ADCY9: variants seen among roughly 807,000 people sequenced by gnomAD.
ADCY9 encodes the protein adenylate cyclase type 9.
A neutral mutation model predicts 101.5 loss-of-function variants in ADCY9; 50 were observed. The observed-to-expected ratio is 0.49, with a 90% confidence interval of 0.39 to 0.62. ADCY9 has a LOEUF of 0.62. Ranked by LOEUF, ADCY9 falls within the 20% of genes least tolerant of loss-of-function variation. The pLI, the probability that ADCY9 is intolerant of heterozygous loss-of-function variation, is 0.00. For synonymous variants in ADCY9, 905 were observed against 769.3 expected, an observed-to-expected ratio of 1.18 and a Z score of -2.92; for missense variants, 1,662 against 1,800.4, an observed-to-expected ratio of 0.92 and a Z score of 1.39.
chr16:4,053,802 C>T (rs968221425), intron 2 of ADCY9, among the ~76,000 whole-genome samples: 7 of 152,106 alleles, frequency 4.6e-5, no homozygotes, highest in East Asian at 1.9e-4. Flanking sequence ...TTATTTGCCT[C>T]GGAGAGCTCC....
At position 3,992,040 on chromosome 16, in the gene ADCY9, C is replaced by T; in HGVS notation, c.2207+106G>A. On this transcript the variant is annotated intron_variant, in intron 5 of 10. Transcript: ENST00000294016. The surrounding 1 kb of genome is among the most constrained non-coding windows in gnomAD (Gnocchi z 4.2). ...GAGCCAAGATCGCGCCACTGCACTG[C>T]AGCCTGGATGACAGAGCGAGACTCA... 1 of 1,156,534 alleles carries T rather than the reference C, an allele frequency of 8.6e-7. No individual in the cohort carries two copies. The allele number at this position is 1,156,534 out of a possible 1,614,324, so 71.6% of individuals were successfully genotyped here.
intron 3 of ADCY9, among the ~76,000 whole-genome samples, chr16:4,005,252 A>G (rs2056359725): frequency 1.3e-5 from 2 of 152,182 alleles, no homozygotes; most frequent in Non-Finnish European, 2.9e-5. Flanking sequence ...GAGACAGGAC[A>G]AGGTCTCACT....
intron 10 of ADCY9, among the ~76,000 whole-genome samples, chr16:3,970,391 G>T (rs190615135): frequency 7.3e-5 from 11 of 151,696 alleles, no homozygotes; most frequent in Non-Finnish European, 1.5e-5. Context: ...GCAATGGCGC[G>T]ACCTTGGCTC....
chr16:4,035,127 T>C (rs1466398654), intron 2 of ADCY9, among the ~76,000 whole-genome samples: 1 of 152,204 alleles, frequency 6.6e-6, no homozygotes, highest in African/African-American at 2.4e-5. Context: ...AAGTCCCTGA[T>C]GGTGGCACTA....
At chr16:4,047,055 T>G (rs780560740) in intron 2 of ADCY9, among the ~76,000 whole-genome samples, 1 of 152,024 alleles carries the variant, frequency 6.6e-6, no homozygotes, top group Non-Finnish European at 1.5e-5. Context: ...CAAAAAAGAT[T>G]TGTACATAAG....
intron 2 of ADCY9, among the ~76,000 whole-genome samples, chr16:4,079,123 G>T (rs2141177094): frequency 6.6e-6 from 1 of 152,246 alleles, no homozygotes; most frequent in Admixed American, 6.5e-5. Context: ...CCTGATGTGA[G>T]GGATGGCTGG....
At chr16:4,028,957 G>A (rs1257544355) in intron 2 of ADCY9, among the ~76,000 whole-genome samples, 7 of 151,890 alleles carry the variant, frequency 4.6e-5, no homozygotes, top group East Asian at 3.9e-4. Flanking sequence ...GCTAATTTTC[G>A]TATTTTTAGT....
At chr16:4,098,105 T>G (rs1205832858) in intron 2 of ADCY9, among the ~76,000 whole-genome samples, 1 of 152,120 alleles carries the variant, frequency 6.6e-6, no homozygotes, top group African/African-American at 2.4e-5. Flanking sequence ...CTAAGGGAAT[T>G]CCTGGAGTTG....
chr16:4,076,853 G>C (rs1043622835), intron 2 of ADCY9, among the ~76,000 whole-genome samples: 1 of 152,140 alleles, frequency 6.6e-6, no homozygotes, highest in African/African-American at 2.4e-5. Context: ...AAGGGAGGAG[G>C]ATCACCTGAG....
At position 3,966,315 on chromosome 16, in the gene ADCY9, G is replaced by A. The variant is rs200368797; in HGVS notation, c.3522C>T (p.Ala1174=). 86 of 1,614,052 alleles carry A rather than the reference G, an allele frequency of 5.3e-5. 1 individual carries two copies. The South Asian group carries it at 5.4e-4, about 10-fold the overall frequency. Residue 1174 remains alanine, a synonymous_variant, in exon 11 of 11, where the codon GCC becomes GCT. Transcript: ENST00000294016. ...GCAGCTTGGTGGTGCCGATGACCCC[G>A]GCCGTGAGGGGCCCATGGTTGAAGC... is the stretch of plus-strand genomic sequence containing the variant. ...RVGFNHGPLT[A]GVIGTTKLLY...
chr16:3,977,732 T>C, intron 8 of ADCY9, 102 bp from the exon 9 acceptor site: 2 of 1,418,810 alleles, frequency 1.4e-6, no homozygotes, highest in Non-Finnish European at 1.9e-6. Flanking sequence ...TTTCCTTTTT[T>C]TTTTGACTGA....
chr16:4,063,386 GA>G (rs962182591), intron 2 of ADCY9, among the ~76,000 whole-genome samples: 17 of 146,964 alleles, frequency 1.2e-4, no homozygotes, highest in East Asian at 3.9e-4. Flanking sequence ...CCTGTATCAG[GA>G]AAAAAAAAAG....
Position 4,115,038 on chromosome 16 carries a change from C to T in ADCY9, c.405G>A (p.Ala135=), listed in dbSNP as rs747338775. The change falls in exon 2 of 11, where the codon GCG becomes GCA. Residue 135 remains alanine, a synonymous_variant. Transcript: ENST00000294016. This position sits in a 1 kb window ranked among gnomAD's most constrained non-coding sequence, Gnocchi z 6.2. ...CGATCAGTCTGGATCTCATGTGGAC[C>T]GCAAAATAGATGCTCCACAGAAGGC... ...FACLLWSIYF[A]VHMRSRLIVM... The T allele has an allele frequency of 5.0e-6, 8 of 1,614,080 alleles. No homozygotes were observed. The East Asian group carries it at 1.8e-4, about 36-fold the overall frequency.
chr16:4,086,238 C>T (rs1468140045), intron 2 of ADCY9, among the ~76,000 whole-genome samples: 1 of 152,008 alleles, frequency 6.6e-6, no homozygotes, highest in East Asian at 1.9e-4. Flanking sequence ...AGGAGGGCAA[C>T]ACAGGAGGAG....
downstream of ADCY9, among the ~76,000 whole-genome samples, chr16:3,961,304 C>T (rs901719152): frequency 6.6e-6 from 1 of 151,984 alleles, no homozygotes; most frequent in Non-Finnish European, 1.5e-5. Context: ...CAAAAATTAG[C>T]TGGGCATGGT....
intron 3 of ADCY9, among the ~76,000 whole-genome samples, 182 bp downstream of exon 3, chr16:4,007,186 A>G (rs972668374): frequency 3.3e-5 from 5 of 152,186 alleles, no homozygotes; most frequent in African/African-American, 1.2e-4. Flanking sequence ...GTCAAAAAGC[A>G]AGGATGTTAA....
chr16:4,086,870 A>G (rs111929315), intron 2 of ADCY9, among the ~76,000 whole-genome samples: 29,010 of 151,586 alleles, frequency 0.19, 4,316 homozygotes, highest in African/African-American at 0.41. Flanking sequence ...ATGTTTCCCA[A>G]GCTGATCTCA....
intron 2 of ADCY9, among the ~76,000 whole-genome samples, chr16:4,061,371 C>A (rs1258769696): frequency 2.0e-5 from 3 of 152,016 alleles, no homozygotes; most frequent in African/African-American, 7.2e-5. Context: ...TCAAAGTAAG[C>A]TCAAAAAACT....
chr16:4,060,220 C>A (rs1275718562), intron 2 of ADCY9, among the ~76,000 whole-genome samples: 1 of 152,170 alleles, frequency 6.6e-6, no homozygotes, highest in Non-Finnish European at 1.5e-5. Flanking sequence ...GATCAGGAGA[C>A]CAGCCAAAAA....
Sources: gnomAD v4.1 joint callset for allele counts (sites outside exome capture counted in the v4.1 genomes callset) on GRCh38, gnomAD v4.1.1 for gene constraint, Gnocchi (gnomAD v3.1) non-coding constraint, MANE v1.5 for transcripts, NCBI Gene and HGNC (gene_info 2026-07-23, HGNC 2026-07-21) for gene names.